Variants in PARD3 observed in about 807,000 individuals in gnomAD.
PARD3 encodes the protein partitioning defective 3 homolog.
A neutral mutation model predicts 155.4 loss-of-function variants in PARD3; 75 were observed. The ratio of observed to expected loss-of-function variants is 0.48; its 90% CI spans 0.40 to 0.58. The LOEUF (loss-of-function observed/expected upper bound fraction) is 0.58. Ranked by LOEUF, PARD3 falls within the 20% of genes least tolerant of loss-of-function variation. The pLI is 0.00. For missense variants in PARD3, 1,642 were observed against 1,721.7 expected, an observed-to-expected ratio of 0.95 and a Z score of 0.82; for synonymous variants, 576 against 610.5, an observed-to-expected ratio of 0.94 and a Z score of 0.83.
intron 3 of PARD3, among the ~76,000 whole-genome samples, chr10:34,470,578 AAAT>A (rs765919432): frequency 6.6e-5 from 10 of 152,200 alleles, no homozygotes; most frequent in Non-Finnish European, 1.2e-4. Flanking sequence ...ACTCAAATGA[AAAT>A]AAAACAGTAC....
At chr10:34,136,936 A>C (rs913545) in intron 22 of PARD3, among the ~76,000 whole-genome samples, 74,208 of 152,012 alleles carry the variant, frequency 0.49, 19,567 homozygotes, top group Non-Finnish European at 0.6. Context: ...TAGCCATTCA[A>C]CATGTACATA....
At chr10:34,646,374 A>C (rs1438936841) in intron 2 of PARD3, among the ~76,000 whole-genome samples, 2 of 152,180 alleles carry the variant, frequency 1.3e-5, no homozygotes, top group Non-Finnish European at 2.9e-5. Context: ...CTGCATTTCA[A>C]ATTAAACTCC....
chr10:34,314,706 A>G (rs148914289), intron 20 of PARD3, among the ~76,000 whole-genome samples: 66 of 152,352 alleles, frequency 4.3e-4, no homozygotes, highest in African/African-American at 1.5e-3. Context: ...AAAGCTGCAC[A>G]GTCGTCATTA....
chr10:34,728,306 T>C (rs2094755213), intron 1 of PARD3, among the ~76,000 whole-genome samples: 1 of 152,218 alleles, frequency 6.6e-6, no homozygotes, highest in Non-Finnish European at 1.5e-5. Context: ...AGCCTGTACA[T>C]TAAATAGCAA....
intron 2 of PARD3, among the ~76,000 whole-genome samples, chr10:34,563,313 A>G (rs1047929191): frequency 2.0e-5 from 3 of 152,176 alleles, no homozygotes; most frequent in Non-Finnish European, 4.4e-5. Flanking sequence ...AGAAGTATGT[A>G]CATATCACTG....
chr10:34,636,293 T>A (rs924877110), intron 2 of PARD3, among the ~76,000 whole-genome samples: 1 of 152,006 alleles, frequency 6.6e-6, no homozygotes, highest in African/African-American at 2.4e-5. Flanking sequence ...GTTTCCACCC[T>A]CTTCTTCCCA....
At chr10:34,141,093 T>G (rs1948166501) in intron 22 of PARD3, among the ~76,000 whole-genome samples, 1 of 152,236 alleles carries the variant, frequency 6.6e-6, no homozygotes, top group South Asian at 2.1e-4. Flanking sequence ...GTCTTGATAC[T>G]GACTTTGAGG....
chr10:34,731,840 CAA>C (rs1207170751), intron 1 of PARD3, among the ~76,000 whole-genome samples: 3 of 151,534 alleles, frequency 2.0e-5, no homozygotes, highest in Non-Finnish European at 4.4e-5. Context: ...CAAATATTTA[CAA>C]GAGAGGAGTG....
chr10:34,690,775 G>A (rs1282143041), intron 2 of PARD3, among the ~76,000 whole-genome samples: 1 of 152,176 alleles, frequency 6.6e-6, no homozygotes, highest in Non-Finnish European at 1.5e-5. Context: ...AAAAGGAAAC[G>A]TGGTGGAGAA....
At chr10:34,533,328 T>C (rs369087267) in intron 2 of PARD3, among the ~76,000 whole-genome samples, 6 of 151,870 alleles carry the variant, frequency 4.0e-5, no homozygotes, top group East Asian at 3.8e-4. Flanking sequence ...CTGGGTACTA[T>C]GCTCACTACC....
intron 2 of PARD3, among the ~76,000 whole-genome samples, chr10:34,621,495 C>A (rs191668034): frequency 1.3e-5 from 2 of 152,260 alleles, no homozygotes; most frequent in Non-Finnish European, 2.9e-5. Context: ...CGCGCCCGGC[C>A]TAGTTTCCAA....
chr10:34,361,832 T>TA (rs143237762), intron 12 of PARD3, among the ~76,000 whole-genome samples: 10,224 of 150,028 alleles, frequency 0.068, 460 homozygotes, highest in Non-Finnish European at 0.097. Context: ...GCTAATGGGT[T>TA]AAAAAAAAAA....
In PARD3 at chr10:34,131,554, C is replaced by T. The variant is rs776935606; in HGVS notation, c.3449G>A (p.Arg1150Gln). The change falls in exon 23 of 25, where the codon CGG becomes CAG. Residue 1150 changes from arginine to glutamine, a missense_variant. Coordinates refer to ENST00000374788, the MANE Select transcript of PARD3 (RefSeq NM_001184785.2). ...AAATTCTTGCCTCAGACGCTGTATC[C>T]GATCATGATTGCTAGGAGTTGATCT... ...SNRSTPSNHDRIQRLRQEFQQ... is the reference protein window; with the variant it reads ...SNRSTPSNHDQIQRLRQEFQQ... 8.1e-6 allele frequency: 13 copies of T among 1,613,572 alleles called. No homozygotes were observed. The highest frequency in any genetic ancestry group is 6.7e-5 in the East Asian group (3 of 44,866).
chr10:34,120,268 G>C (rs1380072134), intron 23 of PARD3, among the ~76,000 whole-genome samples: 1 of 146,144 alleles, frequency 6.8e-6, no homozygotes, highest in Non-Finnish European at 1.5e-5. Context: ...GCCTCCCAAA[G>C]TGCTGAGATT....
At chr10:34,525,142 G>A (rs957292675) in intron 2 of PARD3, among the ~76,000 whole-genome samples, 2 of 152,180 alleles carry the variant, frequency 1.3e-5, no homozygotes, top group African/African-American at 4.8e-5. Context: ...AACCAATGAT[G>A]TTTTGTAATC....
At chr10:34,303,162 A>ATTTTTTTTTTTTTTTTTT (rs5784409) in intron 20 of PARD3, among the ~76,000 whole-genome samples, 11 of 131,968 alleles carry the variant, frequency 8.3e-5, no homozygotes, top group African/African-American at 2.1e-4. Context: ...GCCCAGGTGA[A>ATTTTTTTTTTTTTTTTTT]TTTTTTTTTT....
chr10:34,538,663 C>T (rs1011041230), intron 2 of PARD3, among the ~76,000 whole-genome samples: 7 of 152,154 alleles, frequency 4.6e-5, no homozygotes, highest in African/African-American at 1.7e-4. Context: ...TTGCATGAAG[C>T]ACTTGGTGAG....
intron 1 of PARD3, among the ~76,000 whole-genome samples, chr10:34,764,273 T>C (rs1329062442): frequency 6.6e-6 from 1 of 152,226 alleles, no homozygotes; most frequent in Non-Finnish European, 1.5e-5. Flanking sequence ...GCATTCTAAA[T>C]GCAGGGTGCT....
chr10:34,740,538 G>A (rs7092572), intron 1 of PARD3, among the ~76,000 whole-genome samples: 2,056 of 152,096 alleles, frequency 0.014, 53 homozygotes, highest in African/African-American at 0.046. Context: ...TGTAACAGGT[G>A]TGTTCAGAGC....
Sources: allele counts gnomAD v4.1 joint callset (sites outside exome capture counted in the v4.1 genomes callset), GRCh38; gene constraint gnomAD v4.1.1; transcripts MANE v1.5; gene names NCBI Gene and HGNC (gene_info 2026-07-23, HGNC 2026-07-21).